Variants in EBF2 observed in about 807,000 individuals in gnomAD.
EBF2 encodes EBF transcription factor 2.
A neutral mutation model predicts 72.8 loss-of-function variants in EBF2; 21 were observed. The observed-to-expected ratio is 0.29, with a 90% CI of 0.20 to 0.42. The LOEUF is 0.42. Among genes scored for constraint, EBF2 ranks in the 10% least tolerant of loss-of-function variants. The pLI is 1.00. For missense variants in EBF2, 637 were observed against 731.2 expected (o/e 0.87, Z 1.49); for synonymous variants, 299 against 274.2 (o/e 1.09, Z -0.89).
At chr8:26,002,848 A>G (rs377197538) in intron 6 of EBF2, among the ~76,000 whole-genome samples, 191 of 123,694 alleles carry the variant, frequency 1.5e-3, no homozygotes, top group East Asian at 2.6e-3. Context: ...GCAGGCAGGC[A>G]GGCAGGCGGG....
At chr8:26,004,187 A>C (rs1804789039) in intron 6 of EBF2, among the ~76,000 whole-genome samples, 1 of 152,162 alleles carries the variant, frequency 6.6e-6, no homozygotes, top group Non-Finnish European at 1.5e-5. Flanking sequence ...CATTGGTTCC[A>C]ATATTATAAA....
At chr8:26,024,826 A>G (rs113974211) in intron 6 of EBF2, among the ~76,000 whole-genome samples, 3 of 152,218 alleles carry the variant, frequency 2.0e-5, no homozygotes, top group African/African-American at 2.4e-5. Context: ...TAGCACAACA[A>G]CTTAAGGGGA....
At chr8:25,891,038 G>C (rs961385984) in intron 7 of EBF2, among the ~76,000 whole-genome samples, 2 of 152,244 alleles carry the variant, frequency 1.3e-5, no homozygotes, top group Non-Finnish European at 2.9e-5. Flanking sequence ...TCTAAGCTCG[G>C]GGGGAGGTCC....
intron 6 of EBF2, among the ~76,000 whole-genome samples, chr8:26,001,839 A>T (rs528404065): frequency 6.6e-6 from 1 of 151,944 alleles, no homozygotes; most frequent in Non-Finnish European, 1.5e-5. Flanking sequence ...GTGAGCCACC[A>T]CACCCAGCCC....
chr8:25,871,749 A>T (rs1215236388), intron 10 of EBF2, among the ~76,000 whole-genome samples: 3 of 152,096 alleles, frequency 2.0e-5, no homozygotes, highest in Admixed American at 1.3e-4. Context: ...GCCTTGAAAA[A>T]CTTTCATCAA....
In EBF2 at chr8:26,011,279, G is replaced by C. The variant is rs114440157; in HGVS notation, c.551+21806C>G. 8.9e-4 allele frequency among the ~76,000 whole-genome samples: 135 copies of C among 152,294 alleles called. 1 individual carries two copies. Among genetic ancestry groups the C allele is most frequent in the African/African-American group, 3.0e-3 (125 of 41,570 alleles). On this transcript the variant is annotated intron_variant, in intron 6 of 15. Transcript: ENST00000520164. ...TGATACGATTTCTTATTTTTAGGTT[G>C]CGTTTGTGAAACAACTAACCTGTTC...
intron 6 of EBF2, among the ~76,000 whole-genome samples, chr8:25,938,464 C>A (rs144722246): frequency 6.6e-6 from 1 of 151,286 alleles, no homozygotes; most frequent in East Asian, 1.9e-4. Flanking sequence ...TCATTTACAG[C>A]CAATATAGAA....
intron 6 of EBF2, among the ~76,000 whole-genome samples, chr8:26,014,546 A>G (rs1382257424): frequency 1.3e-5 from 2 of 152,240 alleles, no homozygotes; most frequent in African/African-American, 4.8e-5. Context: ...TTTCTCTTTC[A>G]GAAACACAAG....
chr8:25,903,073 G>A (rs1212912727), intron 7 of EBF2, among the ~76,000 whole-genome samples: 1 of 152,020 alleles, frequency 6.6e-6, no homozygotes, highest in Non-Finnish European at 1.5e-5. Flanking sequence ...TAATTTTTAT[G>A]GATACGTAGC....
intron 6 of EBF2, among the ~76,000 whole-genome samples, chr8:25,943,478 C>T (rs1028988248): frequency 2.6e-5 from 4 of 152,000 alleles, no homozygotes; most frequent in African/African-American, 9.7e-5. Flanking sequence ...CCACTGCACT[C>T]CAGTCTGGAC....
intron 6 of EBF2, among the ~76,000 whole-genome samples, chr8:26,029,012 T>C (rs1348465441): frequency 6.6e-6 from 1 of 151,980 alleles, no homozygotes; most frequent in Non-Finnish European, 1.5e-5. Flanking sequence ...AAATAGAAAA[T>C]AAATTTATGT....
At chr8:26,018,544 G>A (rs977201572) in intron 6 of EBF2, among the ~76,000 whole-genome samples, 33 of 150,182 alleles carry the variant, frequency 2.2e-4, no homozygotes, top group African/African-American at 4.9e-4. Context: ...GGTGTCAGGC[G>A]TCTATAGTCC....
intron 4 of EBF2, among the ~76,000 whole-genome samples, 194 bp from the exon 5 acceptor site, chr8:26,040,295 G>A (rs1585238046): frequency 6.6e-6 from 1 of 152,210 alleles, no homozygotes; most frequent in African/African-American, 2.4e-5. Context: ...GTTTGCCCCA[G>A]TGAGAACATC....
In EBF2 at chr8:25,933,128, G is replaced by A. The variant is rs78651717; in HGVS notation, c.552-24573C>T. On this transcript the variant is annotated intron_variant, in intron 6 of 15. Transcript: ENST00000520164. ...CTCGTAGGCATGCTGGAGCGTTCGCGTGTCCTTTTTAGAACTGGGCCTGGA... is the reference window on the plus strand; with the variant it reads ...CTCGTAGGCATGCTGGAGCGTTCGCATGTCCTTTTTAGAACTGGGCCTGGA... 4.3e-3 allele frequency among the ~76,000 whole-genome samples: 657 copies of A among 152,222 alleles called. 27 individuals are homozygous for A. The East Asian group carries it at 0.094, about 22-fold the overall frequency.
intron 6 of EBF2, among the ~76,000 whole-genome samples, chr8:25,972,238 C>G (rs142819507): frequency 2.0e-4 from 30 of 152,290 alleles, no homozygotes; most frequent in African/African-American, 6.7e-4. Flanking sequence ...AAGGTCCCCT[C>G]CTTCGTAGAC....
Position 25,894,926 on chromosome 8 carries a change from C to G in EBF2, c.634-5057G>C, listed in dbSNP as rs1802842579. Reference sequence around the variant, plus strand: ...TATTAGCAAACATACGGATAGTAATCCATACAAAGGAACTTCTATGCCTCA... The same window carrying G: ...TATTAGCAAACATACGGATAGTAATGCATACAAAGGAACTTCTATGCCTCA... On this transcript the variant is annotated intron_variant, in intron 7 of 15. Coordinates refer to ENST00000520164, the MANE Select transcript of EBF2 (RefSeq NM_022659.4). Among the ~76,000 whole-genome samples the G allele has an allele frequency of 2.6e-5, 4 of 152,156 alleles. No individual in the cohort carries two copies. The South Asian group carries it at 8.3e-4, about 32-fold the overall frequency.
chr8:25,945,838 A>G (rs928293844), intron 6 of EBF2, among the ~76,000 whole-genome samples: 3 of 152,084 alleles, frequency 2.0e-5, no homozygotes, highest in African/African-American at 7.2e-5. Context: ...TTGGAGCTTT[A>G]GAAGCACTCA....
intron 10 of EBF2, among the ~76,000 whole-genome samples, chr8:25,863,218 CTT>C (rs1177914422): frequency 4.6e-5 from 7 of 152,088 alleles, no homozygotes; most frequent in African/African-American, 1.7e-4. Flanking sequence ...TAACCAGTCT[CTT>C]ATGTATATTT....
chr8:25,866,631 ATATATT>A (rs1158856072), intron 10 of EBF2, among the ~76,000 whole-genome samples: 1 of 105,984 alleles, frequency 9.4e-6, no homozygotes, highest in African/African-American at 4.2e-5. Flanking sequence ...ATATATATAT[ATATATT>A]TTTTTTTTTT....
Sources: allele counts gnomAD v4.1 joint callset (sites outside exome capture counted in the v4.1 genomes callset), GRCh38; gene constraint gnomAD v4.1.1; transcripts MANE v1.5; gene names NCBI Gene and HGNC (gene_info 2026-07-23, HGNC 2026-07-21).